CR1: variants seen among roughly 807,000 people sequenced by gnomAD.
CR1 encodes complement receptor type 1.
A neutral mutation model predicts 187.3 loss-of-function variants in CR1; 116 were observed. That is an observed-to-expected ratio of 0.62 (90% confidence interval 0.53 to 0.72). The LOEUF is 0.72. Among genes scored for constraint, CR1 ranks in the 30% least tolerant of loss-of-function variants. The pLI, the probability that CR1 is intolerant of heterozygous loss-of-function variation, is 0.00. For synonymous variants in CR1, 576 were observed against 747.1 expected (o/e 0.77, Z 3.73); for missense variants, 1,731 against 2,110.7 (o/e 0.82, Z 3.52).
intron 39 of CR1, among the ~76,000 whole-genome samples, chr1:207,613,743 T>C (rs1010127511): frequency 6.6e-6 from 1 of 152,172 alleles, no homozygotes; most frequent in African/African-American, 2.4e-5. Flanking sequence ...ATTTACAAAG[T>C]CCACCACCTA....
intron 45 of CR1, among the ~76,000 whole-genome samples, chr1:207,623,511 G>A (rs1339008935): frequency 1.3e-5 from 2 of 151,852 alleles, no homozygotes; most frequent in African/African-American, 4.8e-5. Context: ...CTTGAACCCA[G>A]GAGGCAGAGG....
At chr1:207,576,503 T>C (rs1485844824) in intron 28 of CR1, among the ~76,000 whole-genome samples, 1 of 152,230 alleles carries the variant, frequency 6.6e-6, no homozygotes, top group African/African-American at 2.4e-5. Context: ...TCCAGAGCTT[T>C]TGTTCTTATT....
intron 1 of CR1, among the ~76,000 whole-genome samples, chr1:207,500,850 C>T (rs1030470525): frequency 1.3e-5 from 2 of 152,032 alleles, no homozygotes; most frequent in African/African-American, 4.8e-5. Context: ...ATAGCCAACA[C>T]GTGGAAACAA....
intron 33 of CR1, among the ~76,000 whole-genome samples, chr1:207,585,772 G>C (rs987284775): frequency 3.3e-5 from 5 of 152,180 alleles, no homozygotes; most frequent in Non-Finnish European, 7.3e-5. Context: ...AGACCCCAGT[G>C]CAGGCTTAAT....
At chr1:207,581,196 G>T (rs185808489) in intron 31 of CR1, among the ~76,000 whole-genome samples, 2 of 149,316 alleles carry the variant, frequency 1.3e-5, no homozygotes, top group African/African-American at 2.5e-5. Flanking sequence ...ACATGGACAC[G>T]TATATGTAGA....
intron 35 of CR1, among the ~76,000 whole-genome samples, chr1:207,603,774 G>T (rs1473162486): frequency 6.6e-6 from 1 of 151,992 alleles, no homozygotes; most frequent in Non-Finnish European, 1.5e-5. Context: ...ACCTAACAAA[G>T]TCCTTAATGT....
At chr1:207,635,036 C>A (rs185027042) in intron 46 of CR1, among the ~76,000 whole-genome samples, 1 of 152,286 alleles carries the variant, frequency 6.6e-6, no homozygotes, top group East Asian at 1.9e-4. Context: ...TTTCGCCATA[C>A]TTTCTATGTC....
In CR1 at chr1:207,496,169, C is replaced by T; in HGVS notation, c.-99C>T. 4 of 1,600,490 alleles carry T rather than the reference C, an allele frequency of 2.5e-6. No individual in the cohort carries two copies. Among genetic ancestry groups the T allele is most frequent in the Non-Finnish European group, 3.4e-6 (4 of 1,173,200 alleles). On this transcript the variant is annotated 5_prime_UTR_variant, in exon 1 of 47. Transcript: ENST00000367049. ...CGCAGCCCTCCCCACACTCTGGGCG[C>T]GGAGCACAATGATTGGTCACTCCTA...
chr1:207,593,991 T>C (rs555417146), intron 35 of CR1, among the ~76,000 whole-genome samples: 2 of 152,312 alleles, frequency 1.3e-5, no homozygotes, highest in East Asian at 3.9e-4. Flanking sequence ...AGAAATGCTT[T>C]TACACTGTTG....
In CR1 at chr1:207,584,356, A is replaced by T. The variant is rs79106975; in HGVS notation, c.5303-293A>T. Among the ~76,000 whole-genome samples, 1,469 of 152,272 alleles carry T rather than the reference A, an allele frequency of 9.6e-3. 25 individuals are homozygous for T. The highest frequency in any genetic ancestry group is 0.034 in the African/African-American group (1,409 of 41,564). The stretch of plus-strand genomic sequence containing the variant: ...ATTCCCCTTTAATGTGACTGTGAAG[A>T]TTTTTATTTACTTTAAAGGAATATA... On this transcript the variant is annotated intron_variant, in intron 32 of 46. Transcript: ENST00000367049.
chr1:207,584,805 G>A lies in CR1; in HGVS notation c.5459G>A (p.Cys1820Tyr), dbSNP rs1260973761. ...FNLIGESTIR[C>Y]TSDPHGNGVW... ...CTCATTGGGGAGAGCACCATCCGCT[G>A]CACAAGTGACCCTCATGGGAATGGG... The change falls in exon 33 of 47, where the codon TGC becomes TAC. Residue 1820 changes from cysteine (C) to tyrosine (Y), a missense_variant. This residue lies in a region of CR1 where 1,312 missense variants were observed against 1,379.6 expected (regional missense o/e 0.95). Transcript: ENST00000367049. 6.2e-7 allele frequency: 1 copy of A among 1,613,832 alleles called. No individual in the cohort carries two copies. Among genetic ancestry groups the A allele is most frequent in the Non-Finnish European group, 8.5e-7 (1 of 1,179,876 alleles).
At chr1:207,591,033 A>G (rs1011046773) in intron 35 of CR1, among the ~76,000 whole-genome samples, 4 of 152,188 alleles carry the variant, frequency 2.6e-5, no homozygotes, top group Non-Finnish European at 4.4e-5. Flanking sequence ...TGTCAGTATT[A>G]GACAGGTCAA....
At chr1:207,565,193 C>T (rs1660455678) in intron 23 of CR1, among the ~76,000 whole-genome samples, 1 of 150,216 alleles carries the variant, frequency 6.7e-6, no homozygotes, top group Non-Finnish European at 1.5e-5. Context: ...AGAATCTTGG[C>T]AGCCTCCAAA....
At position 207,611,790 on chromosome 1, in the gene CR1, G is replaced by C. The variant is rs948071511; in HGVS notation, c.6409G>C (p.Gly2137Arg). 1 of 1,613,996 alleles carries C rather than the reference G, an allele frequency of 6.2e-7. No homozygotes were observed. Among genetic ancestry groups the C allele is most frequent in the Non-Finnish European group, 8.5e-7 (1 of 1,179,890 alleles). Residue 2137 changes from glycine (G) to arginine (R), a missense_variant, in exon 38 of 47, where the codon GGG (glycine) becomes CGG (arginine). Around this residue, in one of 5 missense-constraint regions of CR1, gnomAD observed 1,312 missense variants for 1,379.6 expected, o/e 0.95. Transcript: ENST00000367049. ...CTGTGAGCCCAGCTATGACCTCAGA[G>C]GGGCTGCGTCTCTGCACTGCACGCC... ...YSCEPSYDLR[G>R]AASLHCTPQG...
At chr1:207,523,035 C>G (rs1660046656) in intron 4 of CR1, among the ~76,000 whole-genome samples, 1 of 152,096 alleles carries the variant, frequency 6.6e-6, no homozygotes, top group Admixed American at 6.5e-5. Context: ...CTTGAAATTA[C>G]ATTTGGAAGT....
chr1:207,585,619 C>A (rs559726123), intron 33 of CR1, among the ~76,000 whole-genome samples: 11 of 152,186 alleles, frequency 7.2e-5, no homozygotes, highest in African/African-American at 2.4e-4. Flanking sequence ...ATTCCATTAT[C>A]CACAGGGAAG....
In CR1 at chr1:207,514,990, T is replaced by TACACAC. The variant is rs1291025866; in HGVS notation, c.487+3337_487+3338insCACACA. Reference sequence around the variant, plus strand: ...TTGGCTGAAGTATAACATATATATATATATACACACACACACACACACACA... The same window carrying TACACAC: ...TTGGCTGAAGTATAACATATATATATACACACATATACACACACACACACACACACA... On this transcript the variant is annotated intron_variant, in intron 4 of 46. Coordinates refer to ENST00000367049, the MANE Select transcript of CR1 (RefSeq NM_000651.6). 1.3e-3 allele frequency among the ~76,000 whole-genome samples: 161 copies of TACACAC among 127,562 alleles called. 1 individual carries two copies. The highest frequency in any genetic ancestry group is 4.4e-3 in the African/African-American group (139 of 31,322). 83.7% of individuals were successfully genotyped at this position (127,562 alleles called of 152,430 possible). A position where few individuals can be genotyped will look rare whatever the true frequency, so the allele number is the denominator to read the frequency against.
At chr1:207,619,376 C>CAAAAAAAAAAAAAAAAAAAAAA (rs67078800) in intron 42 of CR1, among the ~76,000 whole-genome samples, 1 of 92,656 alleles carries the variant, frequency 1.1e-5, no homozygotes, top group Non-Finnish European at 2.2e-5. Context: ...CAGTGAGACT[C>CAAAAAAAAAAAAAAAAAAAAAA]AAAAAAAAAA....
chr1:207,497,120 A>C (rs1228506920), intron 1 of CR1, among the ~76,000 whole-genome samples: 1 of 152,224 alleles, frequency 6.6e-6, no homozygotes, highest in African/African-American at 2.4e-5. Flanking sequence ...CATGCCAGGC[A>C]CTTGCGGATT....
Sources: gnomAD v4.1 joint callset for allele counts (sites outside exome capture counted in the v4.1 genomes callset) on GRCh38, gnomAD v4.1.1 for gene constraint, gnomAD v4.1.1 regional missense constraint, MANE v1.5 for transcripts, NCBI Gene and HGNC (gene_info 2026-07-23, HGNC 2026-07-21) for gene names.